LARGE1: variants seen among roughly 807,000 people sequenced by gnomAD.
The protein encoded by LARGE1 is LARGE xylosyl- and glucuronyltransferase 1, also known as xylosyl- and glucuronyltransferase LARGE1.
Under a neutral mutation model 87.6 loss-of-function variants are expected in LARGE1, and 43 were observed. That is an observed-to-expected ratio of 0.49 (90% confidence interval 0.38 to 0.63). The LOEUF is 0.63. Among genes scored for constraint, LARGE1 ranks in the 30% least tolerant of loss-of-function variants. The pLI is 0.00. For synonymous variants in LARGE1, 434 were observed against 394.6 expected, an observed-to-expected ratio of 1.10 and a Z score of -1.18; for missense variants, 802 against 1,000.2, an observed-to-expected ratio of 0.80 and a Z score of 2.67.
At chr22:33,069,839 C>T in the LARGE1 span, among the ~76,000 whole-genome samples, 5 of 114,312 alleles carry the variant, frequency 4.4e-5, no homozygotes, top group Admixed American at 4.4e-4. Context: ...TTTTTTGAGA[C>T]GGAGTTTTGC....
At chr22:33,494,276 C>T (rs1409716086) in intron 6 of LARGE1, among the ~76,000 whole-genome samples, 1 of 152,276 alleles carries the variant, frequency 6.6e-6, no homozygotes, top group South Asian at 2.1e-4. Flanking sequence ...AACTGATGTG[C>T]CTCAGTTTCC....
intron 6 of LARGE1, among the ~76,000 whole-genome samples, chr22:33,535,498 G>A (rs527937296): frequency 6.6e-6 from 1 of 151,352 alleles, no homozygotes; most frequent in South Asian, 2.1e-4. Flanking sequence ...AGCTGAGATC[G>A]CACTACTGTA....
At chr22:33,500,834 C>A (rs146896997) in intron 6 of LARGE1, among the ~76,000 whole-genome samples, 1 of 152,300 alleles carries the variant, frequency 6.6e-6, no homozygotes, top group African/African-American at 2.4e-5. Context: ...TTCACAGAAG[C>A]CCATCCAAAC....
At chr22:33,315,173 T>C (rs1191331510) in intron 11 of LARGE1, among the ~76,000 whole-genome samples, 1 of 152,142 alleles carries the variant, frequency 6.6e-6, no homozygotes, top group East Asian at 1.9e-4. Flanking sequence ...AGCTCCATAT[T>C]CTCAGCCCTG....
At chr22:33,630,435 T>C (rs997462554) in intron 3 of LARGE1, among the ~76,000 whole-genome samples, 30 of 152,218 alleles carry the variant, frequency 2.0e-4, no homozygotes, top group African/African-American at 7.2e-4. Flanking sequence ...CCTTAGATGG[T>C]ATAGCCTACA....
intron 2 of LARGE1, among the ~76,000 whole-genome samples, chr22:33,756,461 C>A (rs940928046): frequency 6.6e-6 from 1 of 152,088 alleles, no homozygotes; most frequent in Non-Finnish European, 1.5e-5. Context: ...AGGAAGCCTG[C>A]TAGTTAAGGG....
chr22:33,305,850 T>C (rs1051900350), intron 11 of LARGE1, among the ~76,000 whole-genome samples: 2 of 150,124 alleles, frequency 1.3e-5, no homozygotes, highest in Admixed American at 6.6e-5. Context: ...TTTTCTTTTT[T>C]TTTTTTTTGA....
chr22:33,636,731 T>C (rs1264126970), intron 3 of LARGE1, among the ~76,000 whole-genome samples: 2 of 151,702 alleles, frequency 1.3e-5, no homozygotes, highest in African/African-American at 2.4e-5. Context: ...GGGGTCTCGC[T>C]ATGTTGCCCA....
intron 10 of LARGE1, among the ~76,000 whole-genome samples, chr22:33,327,008 T>C (rs1267724693): frequency 6.6e-6 from 1 of 152,224 alleles, no homozygotes; most frequent in Non-Finnish European, 1.5e-5. Context: ...GTTTTGGGTC[T>C]GTCCATCCTG....
At chr22:33,141,701 A>T in the LARGE1 span, among the ~76,000 whole-genome samples, 5 of 152,080 alleles carry the variant, frequency 3.3e-5, no homozygotes, top group Admixed American at 2.0e-4. Flanking sequence ...ACAAGCACCC[A>T]CTCTACATAC....
chr22:33,643,596 C>A (rs2080511172), intron 3 of LARGE1, among the ~76,000 whole-genome samples: 1 of 151,940 alleles, frequency 6.6e-6, no homozygotes, highest in Non-Finnish European at 1.5e-5. Flanking sequence ...ACACAAAAAA[C>A]CCTTCAAAAA....
At chr22:33,461,525 G>C (rs564100246) in intron 6 of LARGE1, among the ~76,000 whole-genome samples, 7 of 152,006 alleles carry the variant, frequency 4.6e-5, no homozygotes, top group African/African-American at 1.7e-4. Context: ...GTGGGGGAAG[G>C]ATAGCATTAG....
At chr22:33,415,004 G>C (rs974743452) in intron 7 of LARGE1, among the ~76,000 whole-genome samples, 11 of 152,210 alleles carry the variant, frequency 7.2e-5, no homozygotes, top group Non-Finnish European at 1.0e-4. Flanking sequence ...TGTTATAGCA[G>C]CCAGAATGGA....
intron 6 of LARGE1, among the ~76,000 whole-genome samples, chr22:33,493,154 CTTTTTTT>C (rs750203810): frequency 1.8e-5 from 2 of 109,176 alleles, no homozygotes; most frequent in African/African-American, 3.7e-5. Flanking sequence ...GCATGGTGGC[CTTTTTTT>C]TTTTTTTTTT....
chr22:33,559,430 C>A (rs1292147612), intron 6 of LARGE1, among the ~76,000 whole-genome samples: 1 of 152,232 alleles, frequency 6.6e-6, no homozygotes, highest in Admixed American at 6.5e-5. Flanking sequence ...GATCCACCCC[C>A]CTCGGCCTCC....
the LARGE1 span, among the ~76,000 whole-genome samples, chr22:33,104,094 AT>A: frequency 3.9e-4 from 59 of 152,176 alleles, no homozygotes; most frequent in Middle Eastern, 3.4e-3. Context: ...ACAGAAATGG[AT>A]TTTTTTCCCC....
intron 4 of LARGE1, among the ~76,000 whole-genome samples, chr22:33,625,061 G>C (rs949223481): frequency 2.6e-5 from 4 of 152,190 alleles, no homozygotes; most frequent in African/African-American, 9.7e-5. Context: ...GACAGATTCA[G>C]GTGCAGCATT....
intron 1 of LARGE1, among the ~76,000 whole-genome samples, chr22:33,900,917 C>T (rs916077453): frequency 6.6e-6 from 1 of 152,114 alleles, no homozygotes; most frequent in Non-Finnish European, 1.5e-5. Flanking sequence ...CATGGTGACA[C>T]ACGCCTGTAA....
intron 1 of LARGE1, among the ~76,000 whole-genome samples, chr22:33,913,369 T>C (rs1025386019): frequency 2.0e-5 from 3 of 152,226 alleles, no homozygotes; most frequent in Admixed American, 2.0e-4. Context: ...GAACAGTAGT[T>C]AAATAAGTAA....
Sources: allele counts gnomAD v4.1 joint callset (sites outside exome capture counted in the v4.1 genomes callset), GRCh38; gene constraint gnomAD v4.1.1; transcripts MANE v1.5; gene names NCBI Gene and HGNC (gene_info 2026-07-23, HGNC 2026-07-21).